The following PDE4B variants were observed in gnomAD, a reference collection of about 807,000 sequenced individuals.
PDE4B encodes 3',5'-cyclic-AMP phosphodiesterase 4B.
In PDE4B, 20 loss-of-function variants were observed where a neutral mutation model predicts 82.2. The observed-to-expected ratio is 0.24, with a 90% CI of 0.17 to 0.35. PDE4B has a LOEUF of 0.35. Among genes scored for constraint, PDE4B ranks in the 10% least tolerant of loss-of-function variants. PDE4B has a pLI of 1.00. For missense variants in PDE4B, 655 were observed against 907.2 expected (o/e 0.72, Z 3.57); for synonymous variants, 320 against 318.9 (o/e 1.00, Z -0.04).
At chr1:66,207,288 C>G (rs1649630412) in intron 3 of PDE4B, among the ~76,000 whole-genome samples, 1 of 151,968 alleles carries the variant, frequency 6.6e-6, no homozygotes. Context: ...TTATAATATT[C>G]ATTAATTAAA....
At chr1:65,868,504 A>G (rs1245608817) in intron 1 of PDE4B, among the ~76,000 whole-genome samples, 1 of 152,202 alleles carries the variant, frequency 6.6e-6, no homozygotes, top group Non-Finnish European at 1.5e-5. Context: ...TCCTTCTTCC[A>G]TATAGCTGGG....
At chr1:66,010,979 T>C (rs1419062102) in intron 3 of PDE4B, among the ~76,000 whole-genome samples, 1 of 151,480 alleles carries the variant, frequency 6.6e-6, no homozygotes, top group East Asian at 2.0e-4. Flanking sequence ...GGAATAAGAC[T>C]GATCACAGAA....
chr1:65,890,104 A>G (rs1205610959), intron 1 of PDE4B, among the ~76,000 whole-genome samples: 1 of 152,060 alleles, frequency 6.6e-6, no homozygotes, highest in Non-Finnish European at 1.5e-5. Flanking sequence ...TATAATTACT[A>G]GGAGAATTCT....
chr1:66,314,277 T>C (rs1488449207), intron 7 of PDE4B, among the ~76,000 whole-genome samples: 1 of 152,188 alleles, frequency 6.6e-6, no homozygotes, highest in Non-Finnish European at 1.5e-5. Context: ...GCCAGCTTCA[T>C]AGTTGCACAT....
chr1:66,209,279 A>T (rs1649821997), intron 3 of PDE4B, among the ~76,000 whole-genome samples: 4 of 152,124 alleles, frequency 2.6e-5, no homozygotes. Flanking sequence ...TTATTTGTTG[A>T]GTTTCTGCTA....
At chr1:65,838,381 T>C (rs993358449) in intron 1 of PDE4B, among the ~76,000 whole-genome samples, 14 of 151,776 alleles carry the variant, frequency 9.2e-5, no homozygotes, top group Non-Finnish European at 2.1e-4. Flanking sequence ...TTTCAAGCCT[T>C]TATAAGGTGT....
At chr1:66,334,975 G>A (rs1399623248) in intron 8 of PDE4B, among the ~76,000 whole-genome samples, 1 of 152,090 alleles carries the variant, frequency 6.6e-6, no homozygotes, top group Non-Finnish European at 1.5e-5. Context: ...AGTTCTTTGG[G>A]AACTGAATTA....
chr1:66,209,813 G>A (rs1219034225), intron 3 of PDE4B, among the ~76,000 whole-genome samples: 2 of 152,098 alleles, frequency 1.3e-5, no homozygotes, highest in African/African-American at 2.4e-5. Context: ...TTCACTTAAT[G>A]TAAAGTTTTG....
chr1:66,017,411 T>C (rs1652840291), intron 3 of PDE4B, among the ~76,000 whole-genome samples: 1 of 152,222 alleles, frequency 6.6e-6, no homozygotes, highest in Non-Finnish European at 1.5e-5. Flanking sequence ...GGCCAAAATA[T>C]AACATGTAGT....
At chr1:66,135,022 T>A (rs886756044) in intron 3 of PDE4B, among the ~76,000 whole-genome samples, 1 of 152,114 alleles carries the variant, frequency 6.6e-6, no homozygotes, top group Non-Finnish European at 1.5e-5. Flanking sequence ...CTGGGTTGAG[T>A]CTTATAGGAT....
At chr1:66,335,141 A>G (rs1466437237) in intron 8 of PDE4B, among the ~76,000 whole-genome samples, 1 of 152,186 alleles carries the variant, frequency 6.6e-6, no homozygotes, top group African/African-American at 2.4e-5. Context: ...ACCCTTATCA[A>G]CTAAGGAGCC....
intron 6 of PDE4B, among the ~76,000 whole-genome samples, chr1:66,261,501 G>A (rs907586380): frequency 6.6e-6 from 1 of 152,130 alleles, no homozygotes; most frequent in Admixed American, 6.5e-5. Context: ...CTTGAATGTA[G>A]CATTTAAGCA....
At chr1:65,884,676 G>T (rs1375239285) in intron 1 of PDE4B, among the ~76,000 whole-genome samples, 1 of 152,132 alleles carries the variant, frequency 6.6e-6, no homozygotes, top group Non-Finnish European at 1.5e-5. Flanking sequence ...GCTGAAACTG[G>T]ATCCCTTCCT....
chr1:65,800,137 TA>T (rs1451569653), intron 1 of PDE4B, among the ~76,000 whole-genome samples: 1 of 152,016 alleles, frequency 6.6e-6, no homozygotes, highest in Non-Finnish European at 1.5e-5. Flanking sequence ...TATCATGGAT[TA>T]AAAAAAATTA....
intron 1 of PDE4B, among the ~76,000 whole-genome samples, chr1:65,885,677 C>T (rs1200579010): frequency 6.6e-6 from 1 of 151,682 alleles, no homozygotes; most frequent in Non-Finnish European, 1.5e-5. Flanking sequence ...CACTTGGACA[C>T]AGGGCGGGGA....
At chr1:65,796,305 G>T (rs746485708) in intron 1 of PDE4B, among the ~76,000 whole-genome samples, 1 of 152,186 alleles carries the variant, frequency 6.6e-6, no homozygotes, top group Non-Finnish European at 1.5e-5. Context: ...AAACACAAAA[G>T]TGTTTCAGCC....
intron 7 of PDE4B, among the ~76,000 whole-genome samples, chr1:66,293,779 A>T (rs1216099415): frequency 1.3e-5 from 2 of 152,240 alleles, no homozygotes; most frequent in Non-Finnish European, 2.9e-5. Context: ...TACAAAAAGC[A>T]TAGAATCTCA....
intron 3 of PDE4B, among the ~76,000 whole-genome samples, chr1:66,052,946 A>G (rs1249424240): frequency 1.3e-5 from 2 of 152,296 alleles, no homozygotes; most frequent in East Asian, 3.9e-4. Flanking sequence ...AGTATTCAAT[A>G]TTTCTTAGGC....
intron 3 of PDE4B, among the ~76,000 whole-genome samples, chr1:66,199,452 TTTTG>T (rs753705115): frequency 2.7e-4 from 41 of 151,952 alleles, no homozygotes; most frequent in East Asian, 3.9e-4. Flanking sequence ...ACTTTTTTTG[TTTTG>T]TTTGTTTGTT....
Sources: allele counts gnomAD v4.1 joint callset (sites outside exome capture counted in the v4.1 genomes callset), GRCh38; gene constraint gnomAD v4.1.1; transcripts MANE v1.5; gene names NCBI Gene and HGNC (gene_info 2026-07-23, HGNC 2026-07-21).